Variants in CNNM2 observed in about 807,000 individuals in gnomAD.
CNNM2 encodes metal transporter CNNM2.
Under a neutral mutation model 66.9 loss-of-function variants are expected in CNNM2, and 12 were observed. The ratio of observed to expected loss-of-function variants is 0.18; its 90% CI spans 0.11 to 0.29. CNNM2 has a LOEUF of 0.29. Ranked by LOEUF, CNNM2 falls within the 10% of genes least tolerant of loss-of-function variation. CNNM2 has a pLI of 1.00. For missense variants in CNNM2, 705 were observed against 1,167.7 expected (o/e 0.60, Z 5.77); for synonymous variants, 557 against 501.8 (o/e 1.11, Z -1.47).
intron 1 of CNNM2, among the ~76,000 whole-genome samples, chr10:102,971,454 A>G (rs2063545972): frequency 6.6e-6 from 1 of 152,144 alleles, no homozygotes; most frequent in South Asian, 2.1e-4. Context: ...ACAGAGGTAT[A>G]GGAAGTCACT....
chr10:103,050,848 T>TTGAACTGAGTCC (rs2065202322), intron 2 of CNNM2, among the ~76,000 whole-genome samples: 1 of 152,102 alleles, frequency 6.6e-6, no homozygotes, highest in Admixed American at 6.5e-5. Flanking sequence ...GAACTGAGTG[T>TTGAACTGAGTCC]TGAACTGAGT....
At chr10:103,024,493 T>G (rs776984653) in intron 1 of CNNM2, among the ~76,000 whole-genome samples, 3 of 152,158 alleles carry the variant, frequency 2.0e-5, no homozygotes, top group Non-Finnish European at 2.9e-5. Context: ...TTTTTATTTT[T>G]TTTGAGATGG....
At chr10:102,948,704 G>A (rs1744587211) in intron 1 of CNNM2, among the ~76,000 whole-genome samples, 1 of 152,126 alleles carries the variant, frequency 6.6e-6, no homozygotes, top group South Asian at 2.1e-4. Flanking sequence ...TCTTCTGTGT[G>A]GAAAATCTTT....
At chr10:103,043,648 G>T (rs1194381890) in intron 1 of CNNM2, among the ~76,000 whole-genome samples, 1 of 152,168 alleles carries the variant, frequency 6.6e-6, no homozygotes, top group Admixed American at 6.5e-5. Context: ...GCAGGCAGAG[G>T]TAGAAATTTG....
intron 1 of CNNM2, among the ~76,000 whole-genome samples, chr10:103,001,484 A>G (rs900767051): frequency 1.3e-5 from 2 of 152,192 alleles, no homozygotes; most frequent in African/African-American, 2.4e-5. Flanking sequence ...TTTATGGTCA[A>G]TTGATGTCTG....
Position 103,032,795 on chromosome 10 carries a change from G to A in CNNM2, c.1622-16912G>A, listed in dbSNP as rs141150965. On this transcript the variant is annotated intron_variant, in intron 1 of 7. Transcript: ENST00000369878. ...TACTTAACGGGGCTTTATCGTGGAT[G>A]TTTAGGTGGTGACTTTTTTCTTATA... Among the ~76,000 whole-genome samples, 462 of 151,466 alleles carry A rather than the reference G, an allele frequency of 3.1e-3. 1 individual carries two copies. The highest frequency in any genetic ancestry group is 5.0e-3 in the Non-Finnish European group (342 of 67,924).
chr10:102,968,871 G>A (rs1434733784), intron 1 of CNNM2, among the ~76,000 whole-genome samples: 1 of 150,124 alleles, frequency 6.7e-6, no homozygotes, highest in Non-Finnish European at 1.5e-5. Flanking sequence ...AAAGTGCTGG[G>A]GTTACAGGCA....
chr10:103,056,101 A>T lies in CNNM2; in HGVS notation c.1904-694A>T, dbSNP rs535296445. Among the ~76,000 whole-genome samples, 480 of 149,850 alleles carry T rather than the reference A, an allele frequency of 3.2e-3. 2 individuals carry two copies. Among genetic ancestry groups the T allele is most frequent in the Non-Finnish European group, 5.0e-3 (337 of 67,412 alleles). The stretch of plus-strand genomic sequence containing the variant: ...AGACTCCTTCTCAAAAAAAAAAAAA[A>T]TTTAAATTAAAAAAAAAGAAAACTA... On this transcript the variant is annotated intron_variant, in intron 3 of 7. Coordinates refer to ENST00000369878, the MANE Select transcript of CNNM2 (RefSeq NM_017649.5).
intron 1 of CNNM2, among the ~76,000 whole-genome samples, chr10:103,044,769 A>C (rs1340877440): frequency 6.6e-6 from 1 of 152,202 alleles, no homozygotes; most frequent in Non-Finnish European, 1.5e-5. Context: ...AAGTTAAAAG[A>C]ATGTGGCCCT....
chr10:102,994,732 G>C (rs1296419564), intron 1 of CNNM2, among the ~76,000 whole-genome samples: 1 of 152,220 alleles, frequency 6.6e-6, no homozygotes, highest in Non-Finnish European at 1.5e-5. Flanking sequence ...TCTGATACCC[G>C]TGACACTAGT....
intron 1 of CNNM2, among the ~76,000 whole-genome samples, chr10:103,039,281 A>G (rs2064997239): frequency 1.3e-5 from 2 of 151,908 alleles, no homozygotes; most frequent in South Asian, 4.1e-4. Context: ...GGACTACAGG[A>G]GTGCACCACC....
chr10:103,084,058 A>C lies in CNNM2; in HGVS notation c.*6878A>C, dbSNP rs1309336489. On this transcript the variant is annotated 3_prime_UTR_variant, in exon 8 of 8. Transcript: ENST00000369878. ...TTGTCTTCTGTTCCTTCTTACCCTC[A>C]TCACTCACATGAGACCAGTCCCTGA... 1.3e-5 allele frequency: 2 copies of C among 152,096 alleles called. No homozygotes were observed. Among genetic ancestry groups the C allele is most frequent in the African/African-American group, 4.8e-5 (2 of 41,400 alleles). 9.4% of individuals were successfully genotyped at this position (152,096 alleles called of 1,614,324 possible).
intron 1 of CNNM2, among the ~76,000 whole-genome samples, chr10:102,973,456 A>AT (rs1422209782): frequency 5.9e-5 from 9 of 151,858 alleles, no homozygotes; most frequent in Non-Finnish European, 1.2e-4. Flanking sequence ...AATGTGTGCA[A>AT]TGTGAGCCTA....
chr10:103,035,246 A>G (rs2064914096), intron 1 of CNNM2, among the ~76,000 whole-genome samples: 1 of 152,174 alleles, frequency 6.6e-6, no homozygotes. Context: ...AAAGACAGAA[A>G]TAGTCTCATT....
chr10:103,066,811 G>A (rs2065486377), intron 4 of CNNM2, among the ~76,000 whole-genome samples: 1 of 152,192 alleles, frequency 6.6e-6, no homozygotes, highest in Non-Finnish European at 1.5e-5. Context: ...TCAGCCCGTG[G>A]GGGATGACGG....
intron 1 of CNNM2, among the ~76,000 whole-genome samples, chr10:103,004,630 A>G (rs150341101): frequency 4.7e-4 from 72 of 152,324 alleles, no homozygotes; most frequent in African/African-American, 1.6e-3. Flanking sequence ...TGAGTATACC[A>G]AGGCCATAGG....
At chr10:103,031,229 T>C (rs140238183) in intron 1 of CNNM2, among the ~76,000 whole-genome samples, 3 of 152,252 alleles carry the variant, frequency 2.0e-5, no homozygotes, top group African/African-American at 4.8e-5. Context: ...TTTTGAAAAA[T>C]CGGAAAGTTT....
chr10:103,015,369 G>A (rs559559125), intron 1 of CNNM2, among the ~76,000 whole-genome samples: 1 of 152,226 alleles, frequency 6.6e-6, no homozygotes, highest in Admixed American at 6.5e-5. Flanking sequence ...TAGAGGGAAT[G>A]GAATTCTGCA....
Position 102,918,724 on chromosome 10 carries a change from A to G in CNNM2, c.244A>G (p.Thr82Ala). ...GATCATCGGGCTGCGACTGGAGGAC[A>G]CGAACGACGTGTCGTTCATGGAAGG... ...TVIIGLRLED[T>A]NDVSFMEGGA... is the part of the protein sequence containing the mutation. The change falls in exon 1 of 8, where the codon ACG (threonine) becomes GCG (alanine). Residue 82 changes from threonine to alanine, a missense_variant. Around this residue, in one of 9 missense-constraint regions of CNNM2, gnomAD observed 37 missense variants for 58.5 expected, o/e 0.63. Transcript: ENST00000369878. The surrounding 1 kb of genome is among the most constrained non-coding windows in gnomAD (Gnocchi z 4.1). 6.4e-7 allele frequency: 1 copy of G among 1,574,752 alleles called. No homozygotes were observed. The highest frequency in any genetic ancestry group is 8.6e-7 in the Non-Finnish European group (1 of 1,160,966).
Sources: gnomAD v4.1 joint callset for allele counts (sites outside exome capture counted in the v4.1 genomes callset) on GRCh38, gnomAD v4.1.1 for gene constraint, gnomAD v4.1.1 regional missense constraint, Gnocchi (gnomAD v3.1) non-coding constraint, MANE v1.5 for transcripts, NCBI Gene and HGNC (gene_info 2026-07-23, HGNC 2026-07-21) for gene names.